The following GPR149 variants were observed in gnomAD, a reference collection of about 807,000 sequenced individuals.
GPR149 encodes probable G protein-coupled receptor 149.
A neutral mutation model predicts 50.2 loss-of-function variants in GPR149; 50 were observed. That is an observed-to-expected ratio of 1.00 (90% CI 0.79 to 1.26). GPR149 has a LOEUF of 1.26. GPR149 is among the 50% of genes most tolerant of loss of function. GPR149 has a pLI of 0.00. For synonymous variants in GPR149, 405 were observed against 358.2 expected, an observed-to-expected ratio of 1.13 and a Z score of -1.48; for missense variants, 983 against 895.4, an observed-to-expected ratio of 1.10 and a Z score of -1.25.
At chr3:154,357,852 G>T (rs984855439) in intron 3 of GPR149, among the ~76,000 whole-genome samples, 1 of 152,138 alleles carries the variant, frequency 6.6e-6, no homozygotes, top group Non-Finnish European at 1.5e-5. Context: ...TATGTTTATT[G>T]CGGCACTTTT....
At chr3:154,367,437 T>A (rs112018575) in intron 3 of GPR149, among the ~76,000 whole-genome samples, 1,961 of 152,208 alleles carry the variant, frequency 0.013, 44 homozygotes, top group African/African-American at 0.045. Flanking sequence ...CACAGTTTGT[T>A]AAGTCCTGTG....
intron 3 of GPR149, among the ~76,000 whole-genome samples, chr3:154,391,002 C>T (rs940090744): frequency 1.6e-4 from 24 of 152,144 alleles, no homozygotes; most frequent in African/African-American, 4.6e-4. Flanking sequence ...TAAAGACTTT[C>T]CTTCACAAAT....
chr3:154,386,258 A>G (rs1426036094), intron 3 of GPR149, among the ~76,000 whole-genome samples: 1 of 152,210 alleles, frequency 6.6e-6, no homozygotes, highest in Non-Finnish European at 1.5e-5. Flanking sequence ...CCAGTTTTGA[A>G]GTACCTGGTT....
chr3:154,358,034 G>A (rs903833012), intron 3 of GPR149, among the ~76,000 whole-genome samples: 6 of 151,592 alleles, frequency 4.0e-5, no homozygotes, highest in Non-Finnish European at 7.4e-5. Flanking sequence ...GCAAACTATC[G>A]CAAGGACAAA....
chr3:154,350,343 A>G (rs544382899), intron 3 of GPR149, among the ~76,000 whole-genome samples: 68 of 152,362 alleles, frequency 4.5e-4, no homozygotes, highest in African/African-American at 1.6e-3. Flanking sequence ...TGATTGAGCT[A>G]AGCAAGGTCA....
intron 3 of GPR149, among the ~76,000 whole-genome samples, chr3:154,392,380 A>AAACC (rs1553765511): frequency 6.6e-6 from 1 of 151,500 alleles, no homozygotes; most frequent in African/African-American, 2.4e-5. Context: ...ACAAACAAAC[A>AAACC]AAAAAACCCA....
At chr3:154,376,448 A>T (rs959350143) in intron 3 of GPR149, among the ~76,000 whole-genome samples, 4 of 152,238 alleles carry the variant, frequency 2.6e-5, no homozygotes, top group Admixed American at 2.6e-4. Flanking sequence ...AACAATATGT[A>T]TAAAGAGATT....
intron 3 of GPR149, chr3:154,354,757 GT>G: frequency 2.7e-6 from 2 of 727,424 alleles, no homozygotes; most frequent in South Asian, 1.9e-5. Flanking sequence ...CTCCAAGGGT[GT>G]TTTCAGCTCC....
chr3:154,429,025 C>T lies in GPR149; in HGVS notation c.591G>A (p.Val197=). Residue 197 remains valine (V), a synonymous_variant, in exon 1 of 4, where the codon GTG becomes GTA. Transcript: ENST00000389740. ...CGAGGAGTCCGAAGGCCAAAGCGTA[C>T]ACGATAGAGAGGAATAGTACGTAGG... The part of the protein sequence containing the change: ...SSSYVLFLSI[V]YALAFGLLVG... The T allele has an allele frequency of 6.2e-7, 1 of 1,614,058 alleles. No individual in the cohort carries two copies.
intron 3 of GPR149, among the ~76,000 whole-genome samples, chr3:154,378,913 G>C (rs1714857579): frequency 6.6e-6 from 1 of 151,944 alleles, no homozygotes; most frequent in South Asian, 2.1e-4. Context: ...AGGTTGTCTG[G>C]TTTGTAAGAG....
chr3:154,356,879 T>C (rs1240359208), intron 3 of GPR149, among the ~76,000 whole-genome samples: 1 of 152,098 alleles, frequency 6.6e-6, no homozygotes, highest in Non-Finnish European at 1.5e-5. Flanking sequence ...GCCAAGTCAA[T>C]CCTAAGACAA....
chr3:154,411,970 A>G (rs1711847168), intron 3 of GPR149, among the ~76,000 whole-genome samples: 1 of 152,144 alleles, frequency 6.6e-6, no homozygotes, highest in South Asian at 2.1e-4. Context: ...AGCTAACTGA[A>G]TCCAACAGCA....
At chr3:154,359,045 A>C (rs937277370) in intron 3 of GPR149, among the ~76,000 whole-genome samples, 2 of 152,184 alleles carry the variant, frequency 1.3e-5, no homozygotes, top group African/African-American at 4.8e-5. Flanking sequence ...ACCCTTGTGA[A>C]AAAAATCGTT....
chr3:154,400,545 C>T (rs981608527), intron 3 of GPR149, among the ~76,000 whole-genome samples: 1 of 152,276 alleles, frequency 6.6e-6, no homozygotes, highest in African/African-American at 2.4e-5. Context: ...AAGATAATTT[C>T]TCTAGACACT....
chr3:154,339,779 C>CTTTT (rs71152802), intron 3 of GPR149, among the ~76,000 whole-genome samples: 10 of 68,358 alleles, frequency 1.5e-4, no homozygotes, highest in Non-Finnish European at 2.0e-4. Flanking sequence ...TGCTCTACTT[C>CTTTT]TTTTTTTTTT....
chr3:154,385,812 C>T (rs1715033046), intron 3 of GPR149, among the ~76,000 whole-genome samples: 2 of 151,742 alleles, frequency 1.3e-5, no homozygotes, highest in Admixed American at 6.6e-5. Flanking sequence ...CACCATTCGC[C>T]TGCCTCAGCC....
intron 3 of GPR149, chr3:154,354,194 T>C (rs999085953): frequency 1.5e-4 from 72 of 495,440 alleles, no homozygotes; most frequent in African/African-American, 1.4e-3. Flanking sequence ...TTCTCTTGTT[T>C]TTGATTTCTC....
chr3:154,338,004 A>G lies in GPR149; in HGVS notation c.1891T>C (p.Leu631=), dbSNP rs1427286504. The change falls in exon 4 of 4, where the codon TTG becomes CTG. Residue 631 remains leucine, a synonymous_variant. Transcript: ENST00000389740. ...TTACTAATGATTGACACAGTGTCCAAGGCCTCTTCATTATCACAAATTTCA... is the reference window on the plus strand; with the variant it reads ...TTACTAATGATTGACACAGTGTCCAGGGCCTCTTCATTATCACAAATTTCA... ...VLEICDNEEA[L]DTVSIISNIS... The G allele has an allele frequency of 1.9e-6, 3 of 1,614,206 alleles. No homozygotes were observed. The highest frequency in any genetic ancestry group is 1.7e-6 in the Non-Finnish European group (2 of 1,180,032).
chr3:154,341,529 A>G (rs1289242837), intron 3 of GPR149, among the ~76,000 whole-genome samples: 1 of 151,582 alleles, frequency 6.6e-6, no homozygotes, highest in Non-Finnish European at 1.5e-5. Context: ...CCAAAATAGC[A>G]ACAATACTAT....
Sources: allele counts gnomAD v4.1 joint callset (sites outside exome capture counted in the v4.1 genomes callset), GRCh38; gene constraint gnomAD v4.1.1; transcripts MANE v1.5; gene names NCBI Gene and HGNC (gene_info 2026-07-23, HGNC 2026-07-21).